Variants in EFCAB5 observed in about 807,000 individuals in gnomAD.
EFCAB5 encodes the protein EF-hand calcium-binding domain-containing protein 5.
Under a neutral mutation model 167.9 loss-of-function variants are expected in EFCAB5, and 131 were observed. The ratio of observed to expected loss-of-function variants is 0.78; its 90% CI spans 0.68 to 0.90. The LOEUF (loss-of-function observed/expected upper bound fraction) is 0.90. Among genes scored for constraint, EFCAB5 ranks in the 40% least tolerant of loss-of-function variants. EFCAB5 has a pLI of 0.00. For synonymous variants in EFCAB5, 574 were observed against 602.8 expected (o/e 0.95, Z 0.70); for missense variants, 1,663 against 1,745.2 (o/e 0.95, Z 0.84).
chr17:30,009,191 C>G (rs962767716), intron 7 of EFCAB5, among the ~76,000 whole-genome samples: 3 of 152,216 alleles, frequency 2.0e-5, no homozygotes, highest in Non-Finnish European at 4.4e-5. Flanking sequence ...TATAAGGAAG[C>G]ATTTACAGAT....
intron 5 of EFCAB5, 125 bp downstream of exon 5, chr17:29,993,446 G>A (rs2068467945): frequency 4.4e-6 from 4 of 907,842 alleles, no homozygotes; most frequent in African/African-American, 1.7e-5. Flanking sequence ...GGTAAGTCTT[G>A]ACCTGTCTGG....
At chr17:29,988,346 T>C (rs1445321945) in intron 4 of EFCAB5, among the ~76,000 whole-genome samples, 1 of 152,232 alleles carries the variant, frequency 6.6e-6, no homozygotes, top group Admixed American at 6.5e-5. Context: ...TTGTGTGGAA[T>C]GAACCATGTA....
intron 3 of EFCAB5, chr17:29,968,444 G>C: frequency 2.6e-6 from 1 of 388,828 alleles, no homozygotes; most frequent in Admixed American, 3.5e-5. Context: ...CTCAAGAGGA[G>C]AAAAACCCTT....
At chr17:30,104,639 G>A (rs1244680722) in intron 22 of EFCAB5, among the ~76,000 whole-genome samples, 1 of 151,912 alleles carries the variant, frequency 6.6e-6, no homozygotes, top group African/African-American at 2.4e-5. Context: ...GGGGTCTGTC[G>A]TGGGTCAAGC....
intron 7 of EFCAB5, among the ~76,000 whole-genome samples, chr17:30,017,188 A>G: frequency 6.6e-6 from 1 of 152,116 alleles, no homozygotes; most frequent in East Asian, 1.9e-4. Flanking sequence ...AAAAAAGAAA[A>G]AAAAATCAAT....
chr17:29,977,283 T>C (rs949793598), intron 4 of EFCAB5, among the ~76,000 whole-genome samples: 1 of 152,172 alleles, frequency 6.6e-6, no homozygotes, highest in African/African-American at 2.4e-5. Flanking sequence ...CACATACTCA[T>C]ATATGTTAAA....
At chr17:30,062,439 T>C (rs143676230) in intron 14 of EFCAB5, among the ~76,000 whole-genome samples, 51 of 152,268 alleles carry the variant, frequency 3.3e-4, no homozygotes, top group African/African-American at 1.0e-3. Context: ...GCAACCCCCA[T>C]TGACACCTTG....
chr17:30,073,385 G>C (rs1377236499), intron 14 of EFCAB5, among the ~76,000 whole-genome samples: 1 of 152,046 alleles, frequency 6.6e-6, no homozygotes, highest in Non-Finnish European at 1.5e-5. Flanking sequence ...AACTGTCAAA[G>C]ATGGCAAAGC....
chr17:30,014,497 A>T (rs961988344), intron 7 of EFCAB5, among the ~76,000 whole-genome samples: 1 of 152,172 alleles, frequency 6.6e-6, no homozygotes, highest in Non-Finnish European at 1.5e-5. Context: ...TATTGAGTGC[A>T]TATGTATTTA....
At chr17:30,033,248 T>G (rs915035146) in intron 7 of EFCAB5, among the ~76,000 whole-genome samples, 2 of 152,100 alleles carry the variant, frequency 1.3e-5, no homozygotes, top group African/African-American at 4.8e-5. Flanking sequence ...CCGGCTAATT[T>G]TTTGTATTTT....
intron 3 of EFCAB5, among the ~76,000 whole-genome samples, chr17:29,964,797 T>C (rs2067793271): frequency 6.6e-6 from 1 of 152,166 alleles, no homozygotes. Context: ...CTCTCTTTTG[T>C]TTATCTCTAC....
intron 5 of EFCAB5, among the ~76,000 whole-genome samples, chr17:29,994,799 G>A (rs558957071): frequency 4.6e-4 from 70 of 152,016 alleles, no homozygotes; most frequent in Non-Finnish European, 9.0e-4. Flanking sequence ...TTTTTAAATG[G>A]CAAATAAATA....
chr17:29,941,352 C>T (rs920581390), upstream of EFCAB5, among the ~76,000 whole-genome samples: 2 of 152,068 alleles, frequency 1.3e-5, no homozygotes, highest in African/African-American at 4.8e-5. Context: ...CAAAAAAATG[C>T]CTTTTGAGAT....
chr17:30,079,013 G>A (rs566756319), intron 15 of EFCAB5, among the ~76,000 whole-genome samples: 1 of 152,314 alleles, frequency 6.6e-6, no homozygotes, highest in Non-Finnish European at 1.5e-5. Flanking sequence ...ATGGCCCTGA[G>A]GGGCTACTGC....
chr17:30,076,204 T>C (rs1373030278), intron 14 of EFCAB5, among the ~76,000 whole-genome samples: 1 of 152,250 alleles, frequency 6.6e-6, no homozygotes, highest in Non-Finnish European at 1.5e-5. Context: ...CAGTTTCACA[T>C]GCTCACAGTT....
chr17:29,977,620 T>A (rs1438293064), intron 4 of EFCAB5, among the ~76,000 whole-genome samples: 1 of 152,208 alleles, frequency 6.6e-6, no homozygotes, highest in Non-Finnish European at 1.5e-5. Context: ...AGATATCTTT[T>A]GGGCATTTTT....
At chr17:30,015,977 C>T (rs1215202640) in intron 7 of EFCAB5, among the ~76,000 whole-genome samples, 4 of 151,910 alleles carry the variant, frequency 2.6e-5, no homozygotes, top group Non-Finnish European at 5.9e-5. Context: ...CAGGGTTTTT[C>T]CATGCTGGCC....
rs1312350388 is a variant in EFCAB5, at chr17:30,096,668, TATATATATA to T, written c.4321+3733_4321+3741del. Among the ~76,000 whole-genome samples, 588 of 62,752 alleles carry T rather than the reference TATATATATA, an allele frequency of 9.4e-3. 8 individuals are homozygous for T. Among genetic ancestry groups the T allele is most frequent in the African/African-American group, 0.039 (557 of 14,326 alleles). 41.2% of individuals were successfully genotyped at this position (62,752 alleles called of 152,430 possible). A position where few individuals can be genotyped will look rare whatever the true frequency, so the allele number is the denominator to read the frequency against. On this transcript the variant is annotated intron_variant, in intron 22 of 22. Transcript: ENST00000394835. ...TCCTGAAAGCATATATATATATATA[TATATATATA>T]TTTTTTTTTTTTTTTTTTTTGAGAT...
chr17:30,051,730 TG>T (rs2070103744), intron 9 of EFCAB5, among the ~76,000 whole-genome samples: 1 of 152,090 alleles, frequency 6.6e-6, no homozygotes, highest in Non-Finnish European at 1.5e-5. Context: ...GCTAATTTTT[TG>T]TATTTTTAAT....
Sources: allele counts gnomAD v4.1 joint callset (sites outside exome capture counted in the v4.1 genomes callset), GRCh38; gene constraint gnomAD v4.1.1; transcripts MANE v1.5; gene names NCBI Gene and HGNC (gene_info 2026-07-23, HGNC 2026-07-21).